The following KHDRBS2 variants were observed in gnomAD, a reference collection of about 807,000 sequenced individuals.
The protein encoded by KHDRBS2 is KH domain-containing, RNA-binding, signal transduction-associated protein 2.
In KHDRBS2, 26 loss-of-function variants were observed where a neutral mutation model predicts 44.3. The observed-to-expected ratio is 0.59, with a 90% CI of 0.43 to 0.81. The LOEUF (loss-of-function observed/expected upper bound fraction) is 0.81, where lower values mean the gene tolerates loss of function less well. KHDRBS2 is among the 40% of genes least tolerant of loss of function. KHDRBS2 has a pLI of 0.00. For missense variants in KHDRBS2, 476 were observed against 433.1 expected (o/e 1.10, Z -0.88); for synonymous variants, 194 against 151.1 (o/e 1.28, Z -2.08).
chr6:62,032,748 C>A (rs1210766719), intron 3 of KHDRBS2, among the ~76,000 whole-genome samples: 2 of 151,754 alleles, frequency 1.3e-5, no homozygotes, highest in African/African-American at 2.4e-5. Context: ...AGGACAGGTA[C>A]AAACCAACCC....
chr6:61,651,183 C>T, the KHDRBS2 span, among the ~76,000 whole-genome samples: 3 of 152,156 alleles, frequency 2.0e-5, no homozygotes, highest in East Asian at 5.8e-4. Flanking sequence ...TGGTTTAATG[C>T]TAAAACAAAG....
At chr6:62,223,451 C>A (rs1831240937) in intron 1 of KHDRBS2, among the ~76,000 whole-genome samples, 1 of 152,210 alleles carries the variant, frequency 6.6e-6, no homozygotes. Context: ...AAGACCTAGA[C>A]TTGCCCTAAG....
chr6:61,779,944 A>AC (rs1413358887), intron 6 of KHDRBS2, among the ~76,000 whole-genome samples: 1 of 151,986 alleles, frequency 6.6e-6, no homozygotes, highest in Non-Finnish European at 1.5e-5. Flanking sequence ...GAAAAAAAAA[A>AC]CTTACTATAT....
Position 61,908,909 on chromosome 6 carries a change from C to A in KHDRBS2, c.484-7538G>T, listed in dbSNP as rs533502012. Among the ~76,000 whole-genome samples the A allele has an allele frequency of 3.3e-5, 5 of 152,210 alleles. No individual in the cohort carries two copies. In the East Asian group the frequency reaches 9.7e-4, roughly 29 times the overall value. ...ATACCTGCAGTAAATAAAATATCCA[C>A]ACTCAAAGAAAATTCCTCTTACAAG... is the stretch of plus-strand genomic sequence containing the variant. On this transcript the variant is annotated intron_variant, in intron 4 of 8. Transcript: ENST00000281156.
intron 6 of KHDRBS2, among the ~76,000 whole-genome samples, chr6:61,890,296 C>G (rs1394096999): frequency 6.6e-6 from 1 of 152,100 alleles, no homozygotes; most frequent in African/African-American, 2.4e-5. Flanking sequence ...TAATATTTTA[C>G]TATTTTCTGT....
At chr6:61,563,519 C>T in the KHDRBS2 span, among the ~76,000 whole-genome samples, 2 of 152,064 alleles carry the variant, frequency 1.3e-5, no homozygotes, top group African/African-American at 4.8e-5. Flanking sequence ...GATTGCTGAC[C>T]TTTACTCTAC....
the KHDRBS2 span, among the ~76,000 whole-genome samples, chr6:61,634,745 T>C: frequency 6.6e-6 from 1 of 152,114 alleles, no homozygotes; most frequent in Non-Finnish European, 1.5e-5. Context: ...AGTGTATTAA[T>C]ATTCAATAGG....
chr6:61,604,562 G>A, the KHDRBS2 span, among the ~76,000 whole-genome samples: 1 of 152,276 alleles, frequency 6.6e-6, no homozygotes, highest in African/African-American at 2.4e-5. Flanking sequence ...CAAGCCGCTA[G>A]CCTGTCTCTT....
intron 2 of KHDRBS2, among the ~76,000 whole-genome samples, chr6:62,111,377 AG>A (rs967711425): frequency 6.6e-6 from 1 of 152,090 alleles, no homozygotes; most frequent in African/African-American, 2.4e-5. Flanking sequence ...TCACTCAACA[AG>A]TATTTTTGAA....
Position 62,139,485 on chromosome 6 carries a change from G to A in KHDRBS2, c.219+37700C>T, listed in dbSNP as rs77776359. On this transcript the variant is annotated intron_variant, in intron 2 of 8. Transcript: ENST00000281156. ...GGAGAATGGCGTGAACCCGGGAGGC[G>A]GAGCTTGCAGCGAGCGGAGATCGCG... 1.9e-3 allele frequency among the ~76,000 whole-genome samples: 293 copies of A among 151,588 alleles called. 7 individuals are homozygous for A. The East Asian group carries it at 0.049, about 25-fold the overall frequency.
intron 3 of KHDRBS2, among the ~76,000 whole-genome samples, chr6:62,044,820 G>C (rs1192028806): frequency 6.6e-6 from 1 of 152,062 alleles, no homozygotes; most frequent in Non-Finnish European, 1.5e-5. Flanking sequence ...TCTTTGTAAA[G>C]TCAGGCAAAG....
At chr6:62,042,806 A>G (rs1786825525) in intron 3 of KHDRBS2, among the ~76,000 whole-genome samples, 1 of 152,150 alleles carries the variant, frequency 6.6e-6, no homozygotes, top group Non-Finnish European at 1.5e-5. Flanking sequence ...GAAACTGCAC[A>G]TTATTACTGC....
chr6:61,828,671 C>G (rs1228229166), intron 6 of KHDRBS2, among the ~76,000 whole-genome samples: 1 of 152,126 alleles, frequency 6.6e-6, no homozygotes, highest in Non-Finnish European at 1.5e-5. Flanking sequence ...TCAGCAAGTC[C>G]CCTCATTCTT....
intron 2 of KHDRBS2, among the ~76,000 whole-genome samples, chr6:62,071,863 T>C (rs1311580578): frequency 3.3e-5 from 5 of 152,188 alleles, no homozygotes; most frequent in Admixed American, 2.6e-4. Flanking sequence ...AGTAGTTTTT[T>C]CCAATTCTGT....
intron 2 of KHDRBS2, among the ~76,000 whole-genome samples, chr6:62,108,003 G>C (rs948940651): frequency 9.9e-5 from 15 of 152,006 alleles, no homozygotes; most frequent in South Asian, 6.2e-4. Flanking sequence ...AGAAGAAAAC[G>C]TAGGCATTAC....
Position 62,228,222 on chromosome 6 carries a change from G to C in KHDRBS2, c.92-50910C>G, listed in dbSNP as rs1832257413. On this transcript the variant is annotated intron_variant, in intron 1 of 8. Transcript: ENST00000281156. ...CAGAACTTTTTATTGGTCTATTCAG[G>C]GATTCAACTTATTCCTAATTTAGTC... 2.0e-5 allele frequency among the ~76,000 whole-genome samples: 3 copies of C among 152,130 alleles called. No homozygotes were observed. In the South Asian group the frequency reaches 6.2e-4, roughly 32 times the overall value.
chr6:61,977,026 T>G (rs1287088956), intron 4 of KHDRBS2, among the ~76,000 whole-genome samples: 4 of 152,150 alleles, frequency 2.6e-5, no homozygotes, highest in African/African-American at 4.8e-5. Flanking sequence ...AGAAATTAAT[T>G]TTTAAACTGG....
At chr6:62,126,407 G>T (rs1401931580) in intron 2 of KHDRBS2, among the ~76,000 whole-genome samples, 1 of 152,174 alleles carries the variant, frequency 6.6e-6, no homozygotes, top group African/African-American at 2.4e-5. Context: ...GACCTGCCTA[G>T]GGCTAGGGAA....
intron 3 of KHDRBS2, among the ~76,000 whole-genome samples, chr6:62,003,575 T>C (rs1236213765): frequency 6.6e-6 from 1 of 152,060 alleles, no homozygotes; most frequent in Non-Finnish European, 1.5e-5. Context: ...TGACAGACTT[T>C]AAAACTCCAC....
Sources: allele counts gnomAD v4.1 joint callset (sites outside exome capture counted in the v4.1 genomes callset), GRCh38; gene constraint gnomAD v4.1.1; transcripts MANE v1.5; gene names NCBI Gene and HGNC (gene_info 2026-07-23, HGNC 2026-07-21).